The following GSTCD variants were observed in gnomAD, a reference collection of about 807,000 sequenced individuals.
GSTCD encodes the protein glutathione S-transferase C-terminal domain containing, also known as glutathione S-transferase C-terminal domain-containing protein.
GSTCD carries 44 observed loss-of-function variants against 68.3 expected under a neutral mutation model. That is an observed-to-expected ratio of 0.64 (90% CI 0.51 to 0.83). The LOEUF (loss-of-function observed/expected upper bound fraction) is 0.83. Ranked by LOEUF, GSTCD falls within the 40% of genes least tolerant of loss-of-function variation. The pLI, the probability that GSTCD is intolerant of heterozygous loss-of-function variation, is 0.00. For missense variants in GSTCD, 739 were observed against 735.9 expected (o/e 1.00, Z -0.05); for synonymous variants, 273 against 255.2 (o/e 1.07, Z -0.67).
chr4:105,712,557 A>C (rs2149201407), intron 1 of GSTCD: 1 of 152,376 alleles, frequency 6.6e-6, no homozygotes, highest in East Asian at 1.9e-4. Flanking sequence ...CATCTGATTT[A>C]TGTTTTTAAG....
At chr4:105,732,686 C>G (rs1303218466) in intron 5 of GSTCD, among the ~76,000 whole-genome samples, 1 of 152,072 alleles carries the variant, frequency 6.6e-6, no homozygotes, top group Non-Finnish European at 1.5e-5. Context: ...GTGTCTCTAT[C>G]TCCTTCAGTT....
Position 105,815,978 on chromosome 4 carries a change from G to A in GSTCD, c.1241-6976G>A, listed in dbSNP as rs141576682. On this transcript the variant is annotated intron_variant, in intron 5 of 11. Transcript: ENST00000515279. ...AAATATATGTGTTCAATTAACTGTG[G>A]ATTCTGGTATTCGGAAATTAAATTT... Among the ~76,000 whole-genome samples, 33 of 152,212 alleles carry A rather than the reference G, an allele frequency of 2.2e-4. 1 individual carries two copies. Among genetic ancestry groups the A allele is most frequent in the African/African-American group, 7.2e-4 (30 of 41,556 alleles).
chr4:105,781,569 T>C (rs1318535817), intron 5 of GSTCD, among the ~76,000 whole-genome samples: 2 of 152,116 alleles, frequency 1.3e-5, no homozygotes, highest in African/African-American at 4.8e-5. Flanking sequence ...TTTTCCTTTC[T>C]TTAGAAACAA....
intron 5 of GSTCD, among the ~76,000 whole-genome samples, chr4:105,780,003 C>T (rs777032715): frequency 6.6e-6 from 1 of 152,212 alleles, no homozygotes; most frequent in Non-Finnish European, 1.5e-5. Context: ...GAAAAAACTA[C>T]TGCCTGATTA....
intron 5 of GSTCD, among the ~76,000 whole-genome samples, chr4:105,735,701 AG>A (rs1264653841): frequency 1.3e-5 from 2 of 152,102 alleles, no homozygotes; most frequent in Admixed American, 6.5e-5. Flanking sequence ...CTGTCCGACA[AG>A]CCCCAGTGAG....
chr4:105,748,609 T>C (rs533029062), intron 5 of GSTCD, among the ~76,000 whole-genome samples: 1 of 152,246 alleles, frequency 6.6e-6, no homozygotes, highest in East Asian at 1.9e-4. Context: ...TATTAAATGG[T>C]TTAAAATATA....
intron 5 of GSTCD, among the ~76,000 whole-genome samples, chr4:105,810,811 A>C (rs955501862): frequency 1.3e-5 from 2 of 152,116 alleles, no homozygotes; most frequent in African/African-American, 4.8e-5. Flanking sequence ...TTACCTTCTC[A>C]GTGACAGGAG....
chr4:105,837,948 C>A, intron 10 of GSTCD, 59 bp downstream of exon 10: 1 of 663,470 alleles, frequency 1.5e-6, no homozygotes, highest in Admixed American at 3.7e-5. Context: ...TATATTTTTC[C>A]CTCTCATATT....
At chr4:105,797,468 T>C (rs774273268) in intron 5 of GSTCD, among the ~76,000 whole-genome samples, 7 of 152,188 alleles carry the variant, frequency 4.6e-5, no homozygotes, top group Non-Finnish European at 1.0e-4. Context: ...AATAGCATTA[T>C]GTCTTTAAAA....
intron 2 of GSTCD, among the ~76,000 whole-genome samples, chr4:105,718,308 G>C (rs934421738): frequency 6.6e-6 from 1 of 152,108 alleles, no homozygotes; most frequent in African/African-American, 2.4e-5. Context: ...TAAATGGCTT[G>C]GTGCTCTCAC....
At chr4:105,783,034 A>G (rs1735340309) in intron 5 of GSTCD, among the ~76,000 whole-genome samples, 1 of 152,176 alleles carries the variant, frequency 6.6e-6, no homozygotes, top group African/African-American at 2.4e-5. Context: ...TATTTCTACA[A>G]AGCACATCTC....
At chr4:105,822,829 A>T (rs1022833653) in intron 5 of GSTCD, 125 bp from the exon 6 acceptor site, 1 of 607,492 alleles carries the variant, frequency 1.6e-6, no homozygotes, top group African/African-American at 1.8e-5. Context: ...TTTTATATGT[A>T]TGTATGTATG....
chr4:105,748,316 T>C (rs1344290162), intron 5 of GSTCD, among the ~76,000 whole-genome samples: 2 of 152,130 alleles, frequency 1.3e-5, no homozygotes, highest in African/African-American at 4.8e-5. Context: ...AGGTGGGTTT[T>C]GTTCTGTTTT....
intron 5 of GSTCD, among the ~76,000 whole-genome samples, chr4:105,805,453 G>T (rs1216502594): frequency 6.6e-6 from 1 of 152,016 alleles, no homozygotes; most frequent in Non-Finnish European, 1.5e-5. Flanking sequence ...TTTTCATTGA[G>T]AATTTTTTAA....
chr4:105,731,676 G>T (rs1195853547), intron 5 of GSTCD, among the ~76,000 whole-genome samples: 1 of 151,844 alleles, frequency 6.6e-6, no homozygotes. Context: ...TCTGCAAACA[G>T]GGACAATTTC....
chr4:105,825,309 T>C (rs1490496014), intron 7 of GSTCD, among the ~76,000 whole-genome samples: 1 of 152,196 alleles, frequency 6.6e-6, no homozygotes, highest in Non-Finnish European at 1.5e-5. Context: ...TTTGTATTTT[T>C]AGTAGAGACG....
At chr4:105,837,743 C>A in intron 9 of GSTCD, 116 bp from the exon 10 acceptor site, 2 of 505,938 alleles carry the variant, frequency 4.0e-6, no homozygotes, top group Non-Finnish European at 7.1e-6. Context: ...TTTACTTCAC[C>A]ATAGCATTTT....
At chr4:105,803,217 G>A (rs1402370844) in intron 5 of GSTCD, among the ~76,000 whole-genome samples, 2 of 151,920 alleles carry the variant, frequency 1.3e-5, no homozygotes, top group Non-Finnish European at 1.5e-5. Flanking sequence ...CTCCCATTTG[G>A]TTTTTCAGTC....
At chr4:105,774,579 A>G (rs1200037287) in intron 5 of GSTCD, among the ~76,000 whole-genome samples, 1 of 152,144 alleles carries the variant, frequency 6.6e-6, no homozygotes, top group African/African-American at 2.4e-5. Flanking sequence ...TTGCTTGTCT[A>G]TAAAGGATTT....
Sources: gnomAD v4.1 joint callset for allele counts (sites outside exome capture counted in the v4.1 genomes callset) on GRCh38, gnomAD v4.1.1 for gene constraint, MANE v1.5 for transcripts, NCBI Gene and HGNC (gene_info 2026-07-23, HGNC 2026-07-21) for gene names.